The following PDE1C variants were observed in gnomAD, a reference collection of about 807,000 sequenced individuals.
PDE1C encodes the protein phosphodiesterase 1C.
Under a neutral mutation model 93.1 loss-of-function variants are expected in PDE1C, and 62 were observed. The ratio of observed to expected loss-of-function variants is 0.67; its 90% confidence interval spans 0.54 to 0.82. The LOEUF is 0.82. PDE1C is among the 40% of genes least tolerant of loss of function. PDE1C has a pLI of 0.00. For synonymous variants in PDE1C, 325 were observed against 310.1 expected, an observed-to-expected ratio of 1.05 and a Z score of -0.50; for missense variants, 742 against 884.6, an observed-to-expected ratio of 0.84 and a Z score of 2.04.
chr7:32,411,874 AT>A (rs1433898631), intron 1 of PDE1C, among the ~76,000 whole-genome samples: 1 of 151,132 alleles, frequency 6.6e-6, no homozygotes, highest in African/African-American at 2.5e-5. Context: ...AGCTATTTTC[AT>A]TTCTAAAATA....
At chr7:32,126,796 A>G (rs1799606022) in intron 3 of PDE1C, among the ~76,000 whole-genome samples, 1 of 152,164 alleles carries the variant, frequency 6.6e-6, no homozygotes, top group South Asian at 2.1e-4. Flanking sequence ...CTTACAAGAA[A>G]ATAAAAAGTA....
At chr7:31,851,632 CT>C (rs1177125965) in intron 7 of PDE1C, among the ~76,000 whole-genome samples, 2 of 152,194 alleles carry the variant, frequency 1.3e-5, no homozygotes, top group African/African-American at 2.4e-5. Context: ...ACTTTTGCTA[CT>C]AGTTAAATTC....
At chr7:31,688,613 T>C in the PDE1C span, among the ~76,000 whole-genome samples, 1 of 152,264 alleles carries the variant, frequency 6.6e-6, no homozygotes, top group Non-Finnish European at 1.5e-5. Context: ...ACAATCCCTG[T>C]GTATTGTGAC....
intron 11 of PDE1C, among the ~76,000 whole-genome samples, chr7:31,831,874 A>C (rs73304568): frequency 0.019 from 2,955 of 152,242 alleles, 89 homozygotes; most frequent in African/African-American, 0.068. Context: ...AGCAGGAATA[A>C]AGAACTTCAA....
the PDE1C span, chr7:31,695,621 G>C: frequency 6.2e-7 from 1 of 1,610,978 alleles, no homozygotes; most frequent in Non-Finnish European, 8.5e-7. Context: ...TTTCATACCA[G>C]GTAATGGACA....
intron 2 of PDE1C, among the ~76,000 whole-genome samples, chr7:32,015,838 A>G (rs991265041): frequency 4.6e-5 from 7 of 152,168 alleles, no homozygotes; most frequent in African/African-American, 1.7e-4. Flanking sequence ...AGATTATAAT[A>G]ATCATTGATA....
intron 1 of PDE1C, among the ~76,000 whole-genome samples, chr7:32,318,321 A>G (rs1276368400): frequency 6.6e-6 from 1 of 152,140 alleles, no homozygotes; most frequent in Non-Finnish European, 1.5e-5. Flanking sequence ...GAATGGCCTC[A>G]CCATGTTTCG....
At chr7:32,345,905 GTA>G (rs1263459503) in intron 1 of PDE1C, among the ~76,000 whole-genome samples, 1 of 152,184 alleles carries the variant, frequency 6.6e-6, no homozygotes, top group Non-Finnish European at 1.5e-5. Context: ...ATGCAAAATG[GTA>G]TAATCACTTT....
At chr7:32,086,555 T>A (rs1797092384) in intron 3 of PDE1C, among the ~76,000 whole-genome samples, 1 of 152,028 alleles carries the variant, frequency 6.6e-6, no homozygotes, top group Non-Finnish European at 1.5e-5. Context: ...AAGTCAATCC[T>A]AAGCCAAAAG....
chr7:32,424,492 A>G (rs1474001088), intron 1 of PDE1C, among the ~76,000 whole-genome samples: 2 of 152,180 alleles, frequency 1.3e-5, no homozygotes, highest in Non-Finnish European at 2.9e-5. Flanking sequence ...CATTACTAAT[A>G]ATAAACTAAG....
intron 16 of PDE1C, among the ~76,000 whole-genome samples, chr7:31,780,456 C>T (rs764886639): frequency 6.6e-6 from 1 of 152,188 alleles, no homozygotes; most frequent in Non-Finnish European, 1.5e-5. Flanking sequence ...TTTGTTCCAT[C>T]TATGCTAGCT....
the PDE1C span, among the ~76,000 whole-genome samples, chr7:31,731,316 G>T: frequency 6.6e-6 from 1 of 152,002 alleles, no homozygotes; most frequent in Non-Finnish European, 1.5e-5. Flanking sequence ...CTCTTCAGGA[G>T]CCCTAGCCAA....
chr7:32,013,350 A>G lies in PDE1C; in HGVS notation c.128+38204T>C, dbSNP rs143333667. Among the ~76,000 whole-genome samples the G allele has an allele frequency of 4.8e-4, 73 of 152,338 alleles. No individual in the cohort carries two copies. The East Asian group carries it at 0.013, about 27-fold the overall frequency. On this transcript the variant is annotated intron_variant, in intron 2 of 17. Transcript: ENST00000396191. ...TGGTGCCATAAAGAAATAGTACTTG[A>G]ACATAAATTTTCTCAGCAAGGCCAT...
chr7:32,148,552 A>T (rs1584857946), intron 3 of PDE1C, among the ~76,000 whole-genome samples: 1 of 152,292 alleles, frequency 6.6e-6, no homozygotes, highest in East Asian at 1.9e-4. Flanking sequence ...AACTAAATTG[A>T]TCTTAGCTTC....
the PDE1C span, among the ~76,000 whole-genome samples, chr7:31,698,207 G>GA: frequency 1.3e-5 from 2 of 152,060 alleles, no homozygotes; most frequent in South Asian, 2.1e-4. Context: ...ATTTAATAAA[G>GA]AAAAAAATTG....
chr7:32,257,246 G>A (rs540658224), intron 1 of PDE1C, among the ~76,000 whole-genome samples: 32 of 152,218 alleles, frequency 2.1e-4, no homozygotes, highest in African/African-American at 7.5e-4. Context: ...ATGAGAAAGG[G>A]GAATGGCAAC....
chr7:32,141,821 C>T (rs1370098142), intron 3 of PDE1C, among the ~76,000 whole-genome samples: 2 of 152,156 alleles, frequency 1.3e-5, no homozygotes, highest in Non-Finnish European at 2.9e-5. Context: ...GACAAAGATA[C>T]CACAGAAATA....
rs999259864 is a variant in PDE1C, at chr7:31,842,330, T to C, written c.981-4359A>G. ...TCTTATAAAACAAATTGCACAGTAT[T>C]TCTTCCTTCTCTAAATACATTTGCA... On this transcript the variant is annotated intron_variant, in intron 9 of 17. Transcript: ENST00000396191. Among the ~76,000 whole-genome samples, 7 of 152,286 alleles carry C rather than the reference T, an allele frequency of 4.6e-5. 1 individual carries two copies. In the South Asian group the frequency reaches 1.0e-3, roughly 23 times the overall value.
chr7:31,733,169 G>A, the PDE1C span, among the ~76,000 whole-genome samples: 975 of 152,282 alleles, frequency 6.4e-3, 13 homozygotes, highest in Admixed American at 0.034. Flanking sequence ...AATGGATAGA[G>A]ACTGAGCACC....
Sources: gnomAD v4.1 joint callset for allele counts (sites outside exome capture counted in the v4.1 genomes callset) on GRCh38, gnomAD v4.1.1 for gene constraint, MANE v1.5 for transcripts, NCBI Gene and HGNC (gene_info 2026-07-23, HGNC 2026-07-21) for gene names.